PMS1: variants seen among roughly 807,000 people sequenced by gnomAD.
PMS1 encodes PMS1 protein homolog 1.
Under a neutral mutation model 93.1 loss-of-function variants are expected in PMS1, and 79 were observed. The ratio of observed to expected loss-of-function variants is 0.85; its 90% CI spans 0.71 to 1.02. PMS1 has a LOEUF of 1.02. Among genes scored for constraint, PMS1 ranks in the 50% least tolerant of loss-of-function variants. The pLI, the probability that PMS1 is intolerant of heterozygous loss-of-function variation, is 0.00. For missense variants in PMS1, 1,064 were observed against 1,085.3 expected, an observed-to-expected ratio of 0.98 and a Z score of 0.28; for synonymous variants, 335 against 363.4, an observed-to-expected ratio of 0.92 and a Z score of 0.89.
intron 4 of PMS1, among the ~76,000 whole-genome samples, chr2:189,817,599 A>G (rs1478864005): frequency 2.0e-5 from 3 of 152,200 alleles, no homozygotes; most frequent in African/African-American, 7.2e-5. Context: ...AGGTTACCAG[A>G]TATTATTTCA....
Position 189,854,684 on chromosome 2 carries a change from A to G in PMS1, c.1412A>G (p.Asn471Ser). The G allele has an allele frequency of 1.2e-6, 2 of 1,613,982 alleles. No homozygotes were observed. Among genetic ancestry groups the G allele is most frequent in the Non-Finnish European group, 1.7e-6 (2 of 1,179,882 alleles). Reference protein sequence around the residue: ...SVKHTQSENGNKDHIDESGEN... With the variant: ...SVKHTQSENGSKDHIDESGEN... ...AAGCACACCCAGTCAGAAAATGGCA[A>G]TAAAGACCATATAGATGAGAGTGGG... Residue 471 changes from asparagine (N) to serine (S), a missense_variant, in exon 9 of 13, where the codon AAT becomes AGT. Asn to Ser is a conservative substitution (Grantham distance 46). Coordinates refer to ENST00000441310, the MANE Select transcript of PMS1 (RefSeq NM_000534.5).
chr2:189,873,471 T>A, intron 11 of PMS1, 25 bp from the exon 12 acceptor site: 1 of 1,498,252 alleles, frequency 6.7e-7, no homozygotes, highest in Non-Finnish European at 9.3e-7. Context: ...AACTTAACTA[T>A]GTGTTTTTAT....
At chr2:189,815,060 C>T (rs189624637) in intron 4 of PMS1, among the ~76,000 whole-genome samples, 2,344 of 148,968 alleles carry the variant, frequency 0.016, 66 homozygotes, top group African/African-American at 0.055. Flanking sequence ...GATCATGCCA[C>T]TGCACTCCAG....
In PMS1 at chr2:189,791,840, C is replaced by A; in HGVS notation, c.31C>A (p.Leu11Ile). 1 of 1,613,970 alleles carries A rather than the reference C, an allele frequency of 6.2e-7. No homozygotes were observed. The highest frequency in any genetic ancestry group is 8.5e-7 in the Non-Finnish European group (1 of 1,179,850). MKQLPAATVR[L>I]LSSSQIITSV... Reference sequence around the variant, plus strand: ...ACAATTGCCTGCGGCAACAGTTCGACTCCTTTCAAGTTCTCAGATCATCAC... The same window carrying A: ...ACAATTGCCTGCGGCAACAGTTCGAATCCTTTCAAGTTCTCAGATCATCAC... Residue 11 changes from leucine to isoleucine, a missense_variant, in exon 2 of 13, where the codon CTC becomes ATC. By Grantham distance (5) the Leu-to-Ile change is conservative. Coordinates refer to ENST00000441310, the MANE Select transcript of PMS1 (RefSeq NM_000534.5).
At chr2:189,866,847 G>A (rs1290861362) in intron 10 of PMS1, among the ~76,000 whole-genome samples, 1 of 152,142 alleles carries the variant, frequency 6.6e-6, no homozygotes, top group South Asian at 2.1e-4. Context: ...TTTAACTGTG[G>A]AGCCTGCACC....
At chr2:189,873,733 A>G in intron 12 of PMS1, 77 bp downstream of exon 12, 1 of 1,045,204 alleles carries the variant, frequency 9.6e-7, no homozygotes, top group Non-Finnish European at 1.5e-6. Context: ...GAACCAGGCC[A>G]CACAGCAGGA....
intron 1 of PMS1, among the ~76,000 whole-genome samples, chr2:189,788,622 A>G (rs2048576187): frequency 6.6e-6 from 1 of 152,192 alleles, no homozygotes; most frequent in Non-Finnish European, 1.5e-5. Context: ...TAAATTTTCT[A>G]GTAGTCACAT....
intron 4 of PMS1, among the ~76,000 whole-genome samples, chr2:189,812,046 A>G (rs1468638112): frequency 6.6e-6 from 1 of 152,188 alleles, no homozygotes; most frequent in African/African-American, 2.4e-5. Flanking sequence ...CACGCCTGTA[A>G]TCCCAGCACT....
chr2:189,841,736 A>G (rs1032186291), intron 5 of PMS1, among the ~76,000 whole-genome samples: 1 of 152,042 alleles, frequency 6.6e-6, no homozygotes, highest in Non-Finnish European at 1.5e-5. Flanking sequence ...ACTGTAGGAA[A>G]ACAAGACTCT....
chr2:189,823,085 A>C (rs2052088351), intron 5 of PMS1, among the ~76,000 whole-genome samples: 1 of 151,434 alleles, frequency 6.6e-6, no homozygotes. Context: ...TTCTTTTTTT[A>C]TTTTATTTTA....
chr2:189,852,415 A>G (rs1436903758), intron 6 of PMS1, among the ~76,000 whole-genome samples: 3 of 152,220 alleles, frequency 2.0e-5, no homozygotes, highest in Non-Finnish European at 4.4e-5. Context: ...TGAAGATTTT[A>G]TAAATGCCAA....
In PMS1 at chr2:189,790,485, T is replaced by C. The variant is rs371602756; in HGVS notation, c.-20-1305T>C. The stretch of plus-strand genomic sequence containing the variant: ...TTTCGGTGATCTACTGTAATGAGTT[T>C]GGACCAAGATGTAGTTGGCACAGAC... On this transcript the variant is annotated intron_variant, in intron 1 of 12. Transcript: ENST00000441310. 3.3e-5 allele frequency among the ~76,000 whole-genome samples: 5 copies of C among 152,198 alleles called. No homozygotes were observed. In the East Asian group the frequency reaches 7.7e-4, roughly 23 times the overall value.
intron 5 of PMS1, among the ~76,000 whole-genome samples, chr2:189,840,334 T>TA (rs2053720800): frequency 6.6e-6 from 1 of 152,210 alleles, no homozygotes; most frequent in South Asian, 2.1e-4. Flanking sequence ...GTGTTTGCCT[T>TA]ATTTGAACAC....
intron 4 of PMS1, 144 bp downstream of exon 4, chr2:189,805,898 TC>T: frequency 6.5e-7 from 1 of 1,537,912 alleles, no homozygotes; most frequent in Non-Finnish European, 8.7e-7. Context: ...AAGTAAACAT[TC>T]AGCCTTTATT....
At chr2:189,795,985 C>G (rs754861410) in intron 3 of PMS1, 34 bp downstream of exon 3, 1 of 1,336,868 alleles carries the variant, frequency 7.5e-7, no homozygotes, top group African/African-American at 1.4e-5. Context: ...TTAGTGATTT[C>G]ATATTCACTG....
At position 189,795,790 on chromosome 2, in the gene PMS1, A is replaced by G. The variant is rs1463526642; in HGVS notation, c.154A>G (p.Ile52Val). ...ATAGGAGAACTATGGATTTGATAAAATTGAGGTGCGAGATAACGGGGAGGG... is the reference window on the plus strand; with the variant it reads ...ATAGGAGAACTATGGATTTGATAAAGTTGAGGTGCGAGATAACGGGGAGGG... ...VKLENYGFDK[I>V]EVRDNGEGIK... Residue 52 changes from isoleucine (I) to valine (V), a missense_variant, in exon 3 of 13, where the codon ATT becomes GTT. Coordinates refer to ENST00000441310, the MANE Select transcript of PMS1 (RefSeq NM_000534.5). 1.2e-6 allele frequency: 2 copies of G among 1,613,740 alleles called. No homozygotes were observed. The highest frequency in any genetic ancestry group is 4.5e-5 in the East Asian group (2 of 44,880).
Position 189,786,823 on chromosome 2 carries a change from G to A in PMS1, c.-21+2230G>A, listed in dbSNP as rs5742951. 4.7e-3 allele frequency among the ~76,000 whole-genome samples: 710 copies of A among 152,226 alleles called. 6 individuals carry two copies. The highest frequency in any genetic ancestry group is 9.5e-3 in the South Asian group (46 of 4,824). On this transcript the variant is annotated intron_variant, in intron 1 of 12. Transcript: ENST00000441310. The stretch of plus-strand genomic sequence containing the variant: ...TCCCAGCACTTTGGGAGGCCGAGGC[G>A]GGCGGATCACCTGAGGTCAGGAGTT...
chr2:189,801,088 C>T (rs1023797062), intron 3 of PMS1, among the ~76,000 whole-genome samples: 3 of 152,104 alleles, frequency 2.0e-5, no homozygotes, highest in Non-Finnish European at 2.9e-5. Context: ...GGCTCAAAAT[C>T]CTGGCCTCAA....
intron 5 of PMS1, among the ~76,000 whole-genome samples, chr2:189,826,437 T>G (rs1031611524): frequency 2.0e-5 from 3 of 151,494 alleles, no homozygotes; most frequent in African/African-American, 7.3e-5. Context: ...ATCAATATGG[T>G]TTGGTTTGGG....
Sources: gnomAD v4.1 joint callset for allele counts (sites outside exome capture counted in the v4.1 genomes callset) on GRCh38, gnomAD v4.1.1 for gene constraint, MANE v1.5 for transcripts, NCBI Gene and HGNC (gene_info 2026-07-23, HGNC 2026-07-21) for gene names.